ARNT: variants seen among roughly 807,000 people sequenced by gnomAD.
ARNT encodes the protein aryl hydrocarbon receptor nuclear translocator, also known as class E basic helix-loop-helix protein 2.
Under a neutral mutation model 105.0 loss-of-function variants are expected in ARNT, and 30 were observed. The observed-to-expected ratio is 0.29, with a 90% CI of 0.21 to 0.39. ARNT has a LOEUF of 0.39. ARNT is among the 10% of genes least tolerant of loss of function. ARNT has a pLI of 1.00. For missense variants in ARNT, 748 were observed against 978.7 expected (o/e 0.76, Z 3.15); for synonymous variants, 304 against 344.0 (o/e 0.88, Z 1.29).
At chr1:150,842,275 T>G in intron 5 of ARNT, 149 bp downstream of exon 5, 1 of 1,324,290 alleles carries the variant, frequency 7.6e-7, no homozygotes, top group East Asian at 2.9e-5. Context: ...AAAGTTCCTG[T>G]TACACTCAAA....
intron 1 of ARNT, among the ~76,000 whole-genome samples, chr1:150,863,113 C>T (rs1665950325): frequency 6.6e-6 from 1 of 151,390 alleles, no homozygotes; most frequent in Non-Finnish European, 1.5e-5. Flanking sequence ...CCTGTAACCC[C>T]AGCACTTTAG....
chr1:150,824,257 T>C (rs587696354), intron 13 of ARNT, among the ~76,000 whole-genome samples: 1 of 151,858 alleles, frequency 6.6e-6, no homozygotes, highest in African/African-American at 2.4e-5. Flanking sequence ...TCTAGTCAAA[T>C]AGGAATAATA....
At chr1:150,836,086 A>G (rs1020306142) in intron 7 of ARNT, among the ~76,000 whole-genome samples, 194 bp downstream of exon 7, 3 of 152,220 alleles carry the variant, frequency 2.0e-5, no homozygotes, top group African/African-American at 7.2e-5. Context: ...CACCAATGAA[A>G]TATTTTCTAA....
chr1:150,828,630 G>A (rs887309809), intron 12 of ARNT, among the ~76,000 whole-genome samples: 4 of 152,094 alleles, frequency 2.6e-5, no homozygotes, highest in African/African-American at 9.7e-5. Context: ...GCCACAGCCA[G>A]AAGTCCTTCC....
intron 13 of ARNT, among the ~76,000 whole-genome samples, chr1:150,825,569 G>C (rs1658042168): frequency 6.6e-6 from 1 of 152,130 alleles, no homozygotes; most frequent in South Asian, 2.1e-4. Context: ...GAACAGTCTA[G>C]GCTGGGCGCA....
chr1:150,828,515 C>T (rs1658733218), intron 12 of ARNT, among the ~76,000 whole-genome samples: 1 of 152,012 alleles, frequency 6.6e-6, no homozygotes, highest in Non-Finnish European at 1.5e-5. Flanking sequence ...ACACCAACAC[C>T]ACAGTGTCTT....
intron 3 of ARNT, 64 bp downstream of exon 3, chr1:150,852,698 A>T: frequency 6.8e-7 from 1 of 1,461,462 alleles, no homozygotes; most frequent in Non-Finnish European, 9.5e-7. Flanking sequence ...ACAAGTCAGA[A>T]GTATAAAGAT....
chr1:150,859,872 T>C (rs1453554881), intron 1 of ARNT, among the ~76,000 whole-genome samples: 1 of 151,984 alleles, frequency 6.6e-6, no homozygotes, highest in African/African-American at 2.4e-5. Context: ...GCCAGCATGG[T>C]GGCCCATGCC....
rs587718021 is a variant in ARNT at position 150,850,899 on chromosome 1, G to A, written c.182+1863C>T. Among the ~76,000 whole-genome samples, 559 of 146,504 alleles carry A rather than the reference G, an allele frequency of 3.8e-3. 8 individuals are homozygous for A. The highest frequency in any genetic ancestry group is 0.013 in the African/African-American group (521 of 39,356). On this transcript the variant is annotated intron_variant, in intron 3 of 21. Transcript: ENST00000358595. ...GGGAGCGCCTCTGCCCCGCCACCCC[G>A]TCTGGGAGGTGAGGAGCGCCTCTGC...
chr1:150,829,399 A>G (rs587713459), intron 11 of ARNT, 172 bp from the exon 12 acceptor site: 3 of 655,874 alleles, frequency 4.6e-6, no homozygotes, highest in East Asian at 5.5e-5. Context: ...CAGACAAGGC[A>G]TAAGGTCTAG....
Position 150,811,618 on chromosome 1 carries a change from TTTCTC to T in ARNT, c.*398_*402del, listed in dbSNP as rs1199319005. On this transcript the variant is annotated 3_prime_UTR_variant, in exon 22 of 22. Coordinates refer to ENST00000358595, the MANE Select transcript of ARNT (RefSeq NM_001668.4). ...TTCATGGTCCTCAAATATGAGGACA[TTTCTC>T]CTCTCCTCCACTCTCTTCAGAATTT... 8.5e-6 allele frequency: 2 copies of T among 234,574 alleles called. No individual in the cohort carries two copies. 14.5% of individuals were successfully genotyped at this position (234,574 alleles called of 1,614,324 possible).
intron 6 of ARNT, among the ~76,000 whole-genome samples, chr1:150,838,153 C>T (rs1350286277): frequency 6.6e-6 from 1 of 152,116 alleles, no homozygotes; most frequent in East Asian, 1.9e-4. Flanking sequence ...CATTAGATCC[C>T]AGCCTACCTT....
intron 1 of ARNT, among the ~76,000 whole-genome samples, chr1:150,864,883 CAAAAAAA>C (rs587599690): frequency 7.7e-4 from 58 of 75,708 alleles, no homozygotes; most frequent in Admixed American, 1.6e-3. Context: ...TTCTTTAAAT[CAAAAAAA>C]AAAAAAAAAA....
chr1:150,875,951 T>C (rs917803159), intron 1 of ARNT, among the ~76,000 whole-genome samples: 4 of 151,996 alleles, frequency 2.6e-5, no homozygotes, highest in Admixed American at 1.3e-4. Context: ...TAACACAAGA[T>C]CTAAGTTTCA....
chr1:150,820,049 A>G (rs1189382395), intron 14 of ARNT, among the ~76,000 whole-genome samples: 1 of 152,218 alleles, frequency 6.6e-6, no homozygotes, highest in Non-Finnish European at 1.5e-5. Context: ...AAACTGACCA[A>G]ATCAGGCCCA....
At chr1:150,837,325 CA>C (rs1660510120) in intron 6 of ARNT, among the ~76,000 whole-genome samples, 1 of 152,154 alleles carries the variant, frequency 6.6e-6, no homozygotes, top group African/African-American at 2.4e-5. Context: ...AATTATTTCT[CA>C]ATCCCACTTC....
chr1:150,824,463 T>C (rs1366902546), intron 13 of ARNT, among the ~76,000 whole-genome samples: 3 of 150,842 alleles, frequency 2.0e-5, no homozygotes, highest in African/African-American at 7.3e-5. Context: ...TTTTTCTTTT[T>C]TTTTTTTTTT....
At chr1:150,872,950 A>T (rs1425869500) in intron 1 of ARNT, among the ~76,000 whole-genome samples, 2 of 152,078 alleles carry the variant, frequency 1.3e-5, no homozygotes, top group African/African-American at 4.8e-5. Context: ...TGACAGAGCA[A>T]GACCCTCTCC....
At chr1:150,861,514 T>TA (rs1665634593) in intron 1 of ARNT, among the ~76,000 whole-genome samples, 1 of 152,140 alleles carries the variant, frequency 6.6e-6, no homozygotes, top group Non-Finnish European at 1.5e-5. Flanking sequence ...GGTTAACGGA[T>TA]AAAGAAACTG....
Sources: allele counts gnomAD v4.1 joint callset (sites outside exome capture counted in the v4.1 genomes callset), GRCh38; gene constraint gnomAD v4.1.1; transcripts MANE v1.5; gene names NCBI Gene and HGNC (gene_info 2026-07-23, HGNC 2026-07-21).